The following AHDC1 variants were observed in gnomAD, a reference collection of about 807,000 sequenced individuals.
AHDC1 encodes AT-hook DNA binding motif containing 1.
AHDC1 carries 7 observed loss-of-function variants against 87.9 expected under a neutral mutation model. The ratio of observed to expected loss-of-function variants is 0.08; its 90% CI spans 0.05 to 0.15. The LOEUF is 0.15. Ranked by LOEUF, AHDC1 falls within the 10% of genes least tolerant of loss-of-function variation. The pLI is 1.00. For synonymous variants in AHDC1, 1,051 were observed against 1,006.8 expected (o/e 1.04, Z -0.83); for missense variants, 1,841 against 2,253.2 (o/e 0.82, Z 3.70).
Position 27,551,223 on chromosome 1 carries a change from G to T in AHDC1, c.893C>A (p.Pro298Gln), listed in dbSNP as rs1162238307. The change falls in exon 8 of 9, where the codon CCA (proline) becomes CAA (glutamine). Residue 298 changes from proline to glutamine, a missense_variant. This residue lies in a region of AHDC1 where 370 missense variants were observed against 391.5 expected (regional missense o/e 0.95). Transcript: ENST00000673934. The part of the protein sequence containing the change: ...LEPLGEALEL[P>Q]PLQPLADPLG... ...AGGATCAGCAAGAGGTTGCAGGGGT[G>T]GCAGCTCCAGAGCTTCCCCGAGCGG... is the stretch of plus-strand genomic sequence containing the variant. The T allele has an allele frequency of 5.0e-6, 8 of 1,609,518 alleles. No homozygotes were observed. Among genetic ancestry groups the T allele is most frequent in the African/African-American group, 1.3e-5 (1 of 74,910 alleles).
intron 3 of AHDC1, among the ~76,000 whole-genome samples, chr1:27,566,346 G>A (rs192219207): frequency 6.6e-6 from 1 of 151,914 alleles, no homozygotes; most frequent in East Asian, 1.9e-4. Context: ...GCCAGAGGAA[G>A]GAAAACAGCA....
chr1:27,538,868 C>T (rs140308820), intron 8 of AHDC1, among the ~76,000 whole-genome samples: 104 of 152,178 alleles, frequency 6.8e-4, no homozygotes, highest in African/African-American at 2.3e-3. Context: ...AGAGATCTTC[C>T]GGCACTGGGA....
At position 27,565,556 on chromosome 1, in the gene AHDC1, G is replaced by T. The variant is rs1367996388; in HGVS notation, c.-628-6673C>A. On this transcript the variant is annotated intron_variant, in intron 3 of 8. Transcript: ENST00000673934. This position sits in a 1 kb window ranked among gnomAD's most constrained non-coding sequence, Gnocchi z 4.6. ...GCCCTGGACAAACATTCTGTCTGGT[G>T]TCCCCCGGCGCTGGTGAGCAAGGGG... 3.3e-5 allele frequency among the ~76,000 whole-genome samples: 5 copies of T among 152,192 alleles called. No homozygotes were observed. The highest frequency in any genetic ancestry group is 1.2e-4 in the African/African-American group (5 of 41,440).
chr1:27,571,821 A>C (rs1177262618), intron 3 of AHDC1, among the ~76,000 whole-genome samples: 1 of 151,878 alleles, frequency 6.6e-6, no homozygotes, highest in Non-Finnish European at 1.5e-5. Context: ...ACCTTGACAC[A>C]GTTGCGGCAG....
chr1:27,543,924 C>T (rs1557651501), intron 8 of AHDC1, among the ~76,000 whole-genome samples: 2 of 151,018 alleles, frequency 1.3e-5, no homozygotes, highest in African/African-American at 2.4e-5. Context: ...GCCTCGGCGA[C>T]ACAGTGAGGC....
intron 3 of AHDC1, among the ~76,000 whole-genome samples, chr1:27,578,566 G>A (rs2148429358): frequency 6.6e-6 from 1 of 151,436 alleles, no homozygotes; most frequent in East Asian, 1.9e-4. Flanking sequence ...TCCAGTGAGG[G>A]CAACAGAGCA....
In AHDC1 at chr1:27,551,040, A is replaced by G. The variant is rs1244194264; in HGVS notation, c.1076T>C (p.Leu359Pro). 6.4e-7 allele frequency: 1 copy of G among 1,557,884 alleles called. No individual in the cohort carries two copies. The highest frequency in any genetic ancestry group is 2.3e-5 in the East Asian group (1 of 43,794). Residue 359 changes from leucine (L) to proline (P), a missense_variant, in exon 8 of 9, where the codon CTG becomes CCG. Physicochemically the swap from Leu to Pro is moderately conservative, Grantham distance 98. Coordinates refer to ENST00000673934, the MANE Select transcript of AHDC1 (RefSeq NM_001371928.1). ...CAAGTCCAGGCGCAAGGGCTCGGCC[A>G]GTGGGCAGTGCCCCAGGGGCTGCTG... The part of the protein sequence containing the change: ...EPQQPLGHCP[L>P]AEPLRLDLCS...
rs900656938 is a variant in AHDC1, at chr1:27,598,544, C to T, written c.-629+4853G>A. Among the ~76,000 whole-genome samples, 3 of 152,148 alleles carry T rather than the reference C, an allele frequency of 2.0e-5. No individual in the cohort carries two copies. The highest frequency in any genetic ancestry group is 4.4e-5 in the Non-Finnish European group (3 of 67,996). On this transcript the variant is annotated intron_variant, in intron 3 of 8. Coordinates refer to ENST00000673934, the MANE Select transcript of AHDC1 (RefSeq NM_001371928.1). This position sits in a 1 kb window ranked among gnomAD's most constrained non-coding sequence, Gnocchi z 4.2. ...TGGGCTGGAGGGGGGCTCCTTCCCT[C>T]CTCCTTTCCAGGCAGTCCCTGGGGA...
chr1:27,594,025 C>T (rs1294015398), intron 3 of AHDC1, among the ~76,000 whole-genome samples: 4 of 152,112 alleles, frequency 2.6e-5, no homozygotes, highest in Admixed American at 6.5e-5. Context: ...TGAGCAATAC[C>T]CAGAGCCCCC....
At position 27,554,535 on chromosome 1, in the gene AHDC1, T is replaced by C. The variant is rs527617150; in HGVS notation, c.-224-1350A>G. ...TGAGCTGGTCAGGGCAGAGCTGGGA[T>C]TTAGATCCAGGCATGTCTGACTCCC... is the stretch of plus-strand genomic sequence containing the variant. On this transcript the variant is annotated intron_variant, in intron 5 of 8. Transcript: ENST00000673934. 2.6e-3 allele frequency among the ~76,000 whole-genome samples: 402 copies of C among 152,262 alleles called. 3 individuals carry two copies. Among genetic ancestry groups the C allele is most frequent in the African/African-American group, 9.0e-3 (374 of 41,546 alleles).
chr1:27,549,307 C>A lies in AHDC1; in HGVS notation c.2809G>T (p.Asp937Tyr). The A allele has an allele frequency of 6.2e-7, 1 of 1,606,978 alleles. No homozygotes were observed. Residue 937 changes from aspartate (D) to tyrosine (Y), a missense_variant, in exon 8 of 9, where the codon GAC (aspartate) becomes TAC (tyrosine). This residue lies in a region of AHDC1 where 378 missense variants were observed against 399.0 expected (regional missense o/e 0.95). Transcript: ENST00000673934. The stretch of plus-strand genomic sequence containing the variant: ...GGGAAGGTCTCGGCTGCCCGGCAGT[C>A]TGAAGCGGCTGGAGTTAGCCCATAG... ...ASYGLTPAASDCRAAETFPKL... is the reference protein window; with the variant it reads ...ASYGLTPAASYCRAAETFPKL...
rs1392688844 is a variant in AHDC1, at chr1:27,562,087, G to A, written c.-628-3204C>T. Among the ~76,000 whole-genome samples the A allele has an allele frequency of 6.6e-6, 1 of 152,120 alleles. No homozygotes were observed. The highest frequency in any genetic ancestry group is 1.9e-4 in the East Asian group (1 of 5,192). On this transcript the variant is annotated intron_variant, in intron 3 of 8. Coordinates refer to ENST00000673934, the MANE Select transcript of AHDC1 (RefSeq NM_001371928.1). This position sits in a 1 kb window ranked among gnomAD's most constrained non-coding sequence, Gnocchi z 4.4. ...GGACCAGGGGTTTCTGCAGGAGCCT[G>A]AGAAAGAGGCAGCGAAGCAGAGGCA...
intron 8 of AHDC1, among the ~76,000 whole-genome samples, chr1:27,541,849 C>T (rs1477316332): frequency 1.3e-5 from 2 of 152,214 alleles, no homozygotes; most frequent in African/African-American, 4.8e-5. Flanking sequence ...AGGCTGGTCT[C>T]GAACTCCCAA....
At chr1:27,580,290 G>T (rs868415487) in intron 3 of AHDC1, among the ~76,000 whole-genome samples, 2 of 152,162 alleles carry the variant, frequency 1.3e-5, no homozygotes, top group Non-Finnish European at 2.9e-5. Context: ...CTTAGCTGGG[G>T]GTCATGTGGG....
chr1:27,583,299 C>T (rs747672871), intron 3 of AHDC1, among the ~76,000 whole-genome samples: 3 of 152,206 alleles, frequency 2.0e-5, no homozygotes, highest in South Asian at 2.1e-4. Flanking sequence ...AGCCCTAAGC[C>T]GCGTTCATTC....
chr1:27,555,932 G>GA, intron 5 of AHDC1, among the ~76,000 whole-genome samples: 1 of 152,268 alleles, frequency 6.6e-6, no homozygotes, highest in East Asian at 1.9e-4. Context: ...GGATCTGAGG[G>GA]AAACAGCTGG....
In AHDC1 at chr1:27,566,577, G is replaced by A. The variant is rs905754898; in HGVS notation, c.-628-7694C>T. ...CACCCAGAGCCCCACAGCGACAGTC[G>A]GAGGGTGAGACACACTCAGATGGGG... On this transcript the variant is annotated intron_variant, in intron 3 of 8. Transcript: ENST00000673934. Among the ~76,000 whole-genome samples the A allele has an allele frequency of 3.3e-5, 5 of 150,986 alleles. No individual in the cohort carries two copies. In the East Asian group the frequency reaches 9.8e-4, roughly 30 times the overall value.
rs1414662004 is a variant in AHDC1 at position 27,562,968 on chromosome 1, C to T, written c.-628-4085G>A. Among the ~76,000 whole-genome samples the T allele has an allele frequency of 6.6e-6, 1 of 152,098 alleles. No individual in the cohort carries two copies. The highest frequency in any genetic ancestry group is 1.5e-5 in the Non-Finnish European group (1 of 68,016). On this transcript the variant is annotated intron_variant, in intron 3 of 8. Coordinates refer to ENST00000673934, the MANE Select transcript of AHDC1 (RefSeq NM_001371928.1). The surrounding 1 kb of genome is among the most constrained non-coding windows in gnomAD (Gnocchi z 4.4). Reference sequence around the variant, plus strand: ...AACTAAGCACATAACCTGTCGCTTCCTCCAAACATGAGATGGGCACACCTG... The same window carrying T: ...AACTAAGCACATAACCTGTCGCTTCTTCCAAACATGAGATGGGCACACCTG...
Position 27,560,083 on chromosome 1 carries a change from C to T in AHDC1, c.-628-1200G>A, listed in dbSNP as rs1049988895. On this transcript the variant is annotated intron_variant, in intron 3 of 8. Coordinates refer to ENST00000673934, the MANE Select transcript of AHDC1 (RefSeq NM_001371928.1). This position sits in a 1 kb window ranked among gnomAD's most constrained non-coding sequence, Gnocchi z 4.1. The stretch of plus-strand genomic sequence containing the variant: ...GGATCACGCGTTTGCTCAGTTGTGG[C>T]TGCTGTGGTCAGCTGTGTGTGTGTA... 6.6e-6 allele frequency among the ~76,000 whole-genome samples: 1 copy of T among 152,158 alleles called. No homozygotes were observed. The highest frequency in any genetic ancestry group is 1.5e-5 in the Non-Finnish European group (1 of 68,028).
Sources: gnomAD v4.1 joint callset for allele counts (sites outside exome capture counted in the v4.1 genomes callset) on GRCh38, gnomAD v4.1.1 for gene constraint, gnomAD v4.1.1 regional missense constraint, Gnocchi (gnomAD v3.1) non-coding constraint, MANE v1.5 for transcripts, NCBI Gene and HGNC (gene_info 2026-07-23, HGNC 2026-07-21) for gene names.